MCM6: variants seen among roughly 807,000 people sequenced by gnomAD.
MCM6 encodes DNA replication licensing factor MCM6.
In MCM6, 46 loss-of-function variants were observed where a neutral mutation model predicts 94.3. The ratio of observed to expected loss-of-function variants is 0.49; its 90% CI spans 0.39 to 0.62. The LOEUF (loss-of-function observed/expected upper bound fraction) is 0.62, where lower values mean the gene tolerates loss of function less well. MCM6 is among the 20% of genes least tolerant of loss of function. The pLI, the probability that MCM6 is intolerant of heterozygous loss-of-function variation, is 0.00. For missense variants in MCM6, 865 were observed against 1,017.9 expected, an observed-to-expected ratio of 0.85 and a Z score of 2.04; for synonymous variants, 335 against 351.9, an observed-to-expected ratio of 0.95 and a Z score of 0.54.
chr2:135,866,751 A>G, intron 4 of MCM6, 23 bp from the exon 5 acceptor site: 1 of 1,569,454 alleles, frequency 6.4e-7, no homozygotes, highest in East Asian at 2.2e-5. Flanking sequence ...CAAACAACCA[A>G]CCAAGAATGA....
At chr2:135,873,918 AGGT>A (rs1324472917) in intron 1 of MCM6, among the ~76,000 whole-genome samples, 1 of 152,238 alleles carries the variant, frequency 6.6e-6, no homozygotes, top group African/African-American at 2.4e-5. Flanking sequence ...AAATAAAAAC[AGGT>A]GGTGAAGTGA....
At position 135,864,993 on chromosome 2, in the gene MCM6, C is replaced by T. The variant is rs780664850; in HGVS notation, c.1078+20G>A. On this transcript the variant is annotated intron_variant, in intron 7 of 16. Coordinates refer to ENST00000264156, the MANE Select transcript of MCM6 (RefSeq NM_005915.6). ...TTATTTTGATTTCAAGTTTATGGTACAAATGGATGGAATTCTTACCATGTA... is the reference window on the plus strand; with the variant it reads ...TTATTTTGATTTCAAGTTTATGGTATAAATGGATGGAATTCTTACCATGTA... 67 of 1,369,840 alleles carry T rather than the reference C, an allele frequency of 4.9e-5. No homozygotes were observed. Among genetic ancestry groups the T allele is most frequent in the Non-Finnish European group, 5.9e-5 (62 of 1,048,346 alleles). The allele number at this position is 1,369,840 out of a possible 1,614,324, so 84.9% of individuals were successfully genotyped here.
intron 13 of MCM6, 32 bp from the exon 14 acceptor site, chr2:135,848,220 C>T (rs557058953): frequency 1.3e-6 from 2 of 1,551,446 alleles, no homozygotes; most frequent in African/African-American, 1.4e-5. Flanking sequence ...AATTAAGCTA[C>T]TTTTTTTGAT....
At chr2:135,865,790 A>G (rs1345743862) in intron 6 of MCM6, among the ~76,000 whole-genome samples, 1 of 152,116 alleles carries the variant, frequency 6.6e-6, no homozygotes, top group East Asian at 1.9e-4. Flanking sequence ...TCTTAACCCC[A>G]TCCCGTGCTC....
At chr2:135,858,048 G>A (rs773992978) in intron 9 of MCM6, 44 bp from the exon 10 acceptor site, 1 of 1,545,326 alleles carries the variant, frequency 6.5e-7, no homozygotes, top group Non-Finnish European at 8.9e-7. Flanking sequence ...CTTTCAAGCT[G>A]GATGCATGGC....
chr2:135,857,882 G>T lies in MCM6; in HGVS notation c.1470+15C>A, dbSNP rs1041848353. 1.2e-6 allele frequency: 2 copies of T among 1,602,370 alleles called. No individual in the cohort carries two copies. The highest frequency in any genetic ancestry group is 1.3e-5 in the African/African-American group (1 of 74,756). ...CTATGGACGATGCAGCAGAACAGAA[G>T]TAGATAACACATACCTTCACTCCTG... On this transcript the variant is annotated intron_variant, in intron 10 of 16. Coordinates refer to ENST00000264156, the MANE Select transcript of MCM6 (RefSeq NM_005915.6).
intron 2 of MCM6, among the ~76,000 whole-genome samples, chr2:135,871,717 G>A (rs1259464875): frequency 1.3e-5 from 2 of 152,274 alleles, no homozygotes; most frequent in East Asian, 3.9e-4. Flanking sequence ...ATGAGTTTAA[G>A]AAATTTTATA....
At chr2:135,867,984 G>A (rs1384973592) in intron 4 of MCM6, among the ~76,000 whole-genome samples, 6 of 151,970 alleles carry the variant, frequency 3.9e-5, no homozygotes, top group Non-Finnish European at 8.8e-5. Flanking sequence ...CCGAGATCGC[G>A]CCACTGCACT....
chr2:135,856,972 C>CCT, intron 10 of MCM6, 89 bp from the exon 11 acceptor site: 1 of 1,241,060 alleles, frequency 8.1e-7, no homozygotes, highest in South Asian at 1.5e-5. Flanking sequence ...CCATAATTAA[C>CCT]TAAACACAAA....
chr2:135,875,317 T>G (rs1367800558), intron 1 of MCM6, among the ~76,000 whole-genome samples: 2 of 151,380 alleles, frequency 1.3e-5, no homozygotes, highest in African/African-American at 2.4e-5. Context: ...TGAGCTGAGA[T>G]GGTGACACTG....
intron 10 of MCM6, among the ~76,000 whole-genome samples, chr2:135,857,515 T>G (rs1382504187): frequency 6.6e-6 from 1 of 152,174 alleles, no homozygotes; most frequent in African/African-American, 2.4e-5. Context: ...TCTGTAGCTT[T>G]TAAAGTTTAG....
At chr2:135,856,595 C>G (rs989022784) in intron 11 of MCM6, 133 bp downstream of exon 11, 2 of 829,708 alleles carry the variant, frequency 2.4e-6, no homozygotes, top group Non-Finnish European at 3.6e-6. Flanking sequence ...ACCCTTTGTC[C>G]GATCCTGTGC....
rs1313135244 is a variant in MCM6, at chr2:135,865,055, G to C, written c.1036C>G (p.Leu346Val). The change falls in exon 7 of 17, where the codon CTA becomes GTA. Residue 346 changes from leucine to valine, a missense_variant. By Grantham distance (32) the Leu-to-Val change is conservative. Coordinates refer to ENST00000264156, the MANE Select transcript of MCM6 (RefSeq NM_005915.6). ...KVFEMSQDKNLYHNLCTSLFP... is the reference protein window; with the variant it reads ...KVFEMSQDKNVYHNLCTSLFP... Reference sequence around the variant, plus strand: ...AGGCTGGTACAAAGATTGTGGTATAGATTTTTATCTTGACTCATCTCAAAC... The same window carrying C: ...AGGCTGGTACAAAGATTGTGGTATACATTTTTATCTTGACTCATCTCAAAC... The C allele has an allele frequency of 2.6e-6, 4 of 1,559,732 alleles. No individual in the cohort carries two copies.
intron 1 of MCM6, 91 bp downstream of exon 1, chr2:135,876,168 T>G: frequency 3.0e-6 from 3 of 1,012,040 alleles, no homozygotes; most frequent in Non-Finnish European, 1.3e-6. Context: ...GACCCCCAGG[T>G]TCCGGAACAC....
intron 11 of MCM6, among the ~76,000 whole-genome samples, chr2:135,853,660 G>T (rs1679816299): frequency 6.6e-6 from 1 of 151,550 alleles, no homozygotes; most frequent in African/African-American, 2.4e-5. Context: ...GTGGAGCCAG[G>T]ATTTGAATAG....
intron 16 of MCM6, among the ~76,000 whole-genome samples, 190 bp from the exon 17 acceptor site, chr2:135,841,141 G>A (rs1461521776): frequency 6.6e-6 from 1 of 152,114 alleles, no homozygotes; most frequent in South Asian, 2.1e-4. Flanking sequence ...GTTCCTAGTA[G>A]GATGCTGACC....
intron 6 of MCM6, among the ~76,000 whole-genome samples, chr2:135,865,490 T>G (rs1352986910): frequency 6.6e-6 from 1 of 152,224 alleles, no homozygotes; most frequent in Non-Finnish European, 1.5e-5. Context: ...TTTCCAATAC[T>G]GAACTATTTT....
chr2:135,866,833 G>T, intron 4 of MCM6, 105 bp from the exon 5 acceptor site: 1 of 941,386 alleles, frequency 1.1e-6, no homozygotes, highest in Non-Finnish European at 1.5e-6. Context: ...TAAACTATCT[G>T]ACCCATTAGC....
intron 5 of MCM6, 114 bp from the exon 6 acceptor site, chr2:135,866,391 C>G: frequency 7.0e-7 from 1 of 1,429,324 alleles, no homozygotes; most frequent in South Asian, 1.3e-5. Flanking sequence ...GCCTTGAATA[C>G]TTTCAGAATA....
Sources: gnomAD v4.1 joint callset for allele counts (sites outside exome capture counted in the v4.1 genomes callset) on GRCh38, gnomAD v4.1.1 for gene constraint, MANE v1.5 for transcripts, NCBI Gene and HGNC (gene_info 2026-07-23, HGNC 2026-07-21) for gene names.